Variants in PLRG1 observed in about 807,000 individuals in gnomAD.
PLRG1 encodes the protein pleiotropic regulator 1 (PRL1 homolog, Arabidopsis).
Under a neutral mutation model 74.9 loss-of-function variants are expected in PLRG1, and 28 were observed. The observed-to-expected ratio is 0.37, with a 90% CI of 0.28 to 0.51. PLRG1 has a LOEUF of 0.51. Ranked by LOEUF, PLRG1 falls within the 20% of genes least tolerant of loss-of-function variation. The pLI, the probability that PLRG1 is intolerant of heterozygous loss-of-function variation, is 0.91. For missense variants in PLRG1, 445 were observed against 631.9 expected (o/e 0.70, Z 3.17); for synonymous variants, 197 against 212.4 (o/e 0.93, Z 0.63).
In PLRG1 at chr4:154,536,732, G is replaced by T; in HGVS notation, c.1498C>A (p.His500Asn). ...ATTTCTGGTTTCCAGCTGACTGGATGAGTTTCTTCTGTCTAAAAATAGAAA... is the reference window on the plus strand; with the variant it reads ...ATTTCTGGTTTCCAGCTGACTGGATTAGTTTCTTCTGTCTAAAAATAGAAA... ...REDDTATEETHPVSWKPEIIK... is the reference protein window; with the variant it reads ...REDDTATEETNPVSWKPEIIK... Residue 500 changes from histidine (H) to asparagine (N), a missense_variant, in exon 15 of 15, where the codon CAT (histidine) becomes AAT (asparagine). Physicochemically the swap from His to Asn is moderately conservative, Grantham distance 68. Around this residue, in one of 3 missense-constraint regions of PLRG1, gnomAD observed 221 missense variants for 377.7 expected, o/e 0.59. Transcript: ENST00000499023. 4 of 1,520,446 alleles carry T rather than the reference G, an allele frequency of 2.6e-6. No individual in the cohort carries two copies. Among genetic ancestry groups the T allele is most frequent in the Non-Finnish European group, 2.7e-6 (3 of 1,115,312 alleles). The allele number at this position is 1,520,446 out of a possible 1,614,324, so 94.2% of individuals were successfully genotyped here.
rs1729442406 is a variant in PLRG1, at chr4:154,536,036, T to A, written c.*649A>T. 1 of 152,312 alleles carries A rather than the reference T, an allele frequency of 6.6e-6. No homozygotes were observed. The highest frequency in any genetic ancestry group is 1.5e-5 in the Non-Finnish European group (1 of 68,170). 9.4% of individuals were successfully genotyped at this position (152,312 alleles called of 1,614,324 possible). On this transcript the variant is annotated 3_prime_UTR_variant, in exon 15 of 15. Transcript: ENST00000499023. ...AGGTAATCTCCAATGCCACTTACTC[T>A]ATGAAGTCTTCCACAATCCTTCCTG...
intron 1 of PLRG1, among the ~76,000 whole-genome samples, chr4:154,549,977 T>C (rs113544216): frequency 6.6e-6 from 1 of 152,210 alleles, no homozygotes; most frequent in Non-Finnish European, 1.5e-5. Context: ...TCACTGACAC[T>C]GCCCCGAGGG....
chr4:154,547,719 G>C lies in PLRG1; in HGVS notation c.251C>G (p.Ala84Gly). Residue 84 changes from alanine to glycine, a missense_variant, in exon 3 of 15, where the codon GCC becomes GGC. Coordinates refer to ENST00000499023, the MANE Select transcript of PLRG1 (RefSeq NM_002669.4). ...TDSYVHKQYP[A>G]NQGQEVEYFV... ...GATAATACCATACTCACCTTGATTG[G>C]CAGGGTACTGTTTATGAACATATGA... The C allele has an allele frequency of 6.2e-7, 1 of 1,611,444 alleles. No individual in the cohort carries two copies. The highest frequency in any genetic ancestry group is 8.5e-7 in the Non-Finnish European group (1 of 1,178,198).
intron 14 of PLRG1, 133 bp downstream of exon 14, chr4:154,537,153 A>C (rs1729466491): frequency 1.8e-6 from 1 of 563,428 alleles, no homozygotes; most frequent in Non-Finnish European, 3.0e-6. Context: ...AGAAATATAT[A>C]AATGGACACT....
At chr4:154,546,501 T>C in intron 4 of PLRG1, 1 of 365,184 alleles carries the variant, frequency 2.7e-6, no homozygotes. Flanking sequence ...TTCAAGTCAG[T>C]ATTAAGCAGT....
At chr4:154,543,150 C>T (rs900908401) in intron 7 of PLRG1, among the ~76,000 whole-genome samples, 2 of 151,856 alleles carry the variant, frequency 1.3e-5, no homozygotes, top group Non-Finnish European at 2.9e-5. Context: ...GTATGTTTTT[C>T]TTTGTTTTTT....
At position 154,542,233 on chromosome 4, in the gene PLRG1, G is replaced by T; in HGVS notation, c.641C>A (p.Pro214His). The T allele has an allele frequency of 6.2e-7, 1 of 1,612,950 alleles. No individual in the cohort carries two copies. The highest frequency in any genetic ancestry group is 1.1e-5 in the South Asian group (1 of 91,052). Reference protein sequence around the residue: ...LGWVRCIAVEPGNQWFVTGSA... With the variant: ...LGWVRCIAVEHGNQWFVTGSA... ...TCCAGTAACAAACCACTGATTTCCA[G>T]GTTCCACAGCAATACATCGAACCCA... The change falls in exon 8 of 15, where the codon CCT (proline) becomes CAT (histidine). Residue 214 changes from proline to histidine, a missense_variant. Pro to His is a moderately conservative substitution (Grantham distance 77). Coordinates refer to ENST00000499023, the MANE Select transcript of PLRG1 (RefSeq NM_002669.4).
chr4:154,539,834 A>G, intron 11 of PLRG1, 117 bp downstream of exon 11: 1 of 694,474 alleles, frequency 1.4e-6, no homozygotes, highest in Admixed American at 2.4e-5. Flanking sequence ...AAAATATGAC[A>G]CAGAAACACT....
At chr4:154,542,050 T>C in intron 8 of PLRG1, 137 bp downstream of exon 8, 3 of 622,502 alleles carry the variant, frequency 4.8e-6, no homozygotes, top group Admixed American at 2.8e-5. Flanking sequence ...TTAGTATAAA[T>C]GATAAATTTT....
intron 7 of PLRG1, among the ~76,000 whole-genome samples, chr4:154,542,560 C>T (rs929342498): frequency 4.6e-5 from 7 of 152,078 alleles, no homozygotes; most frequent in Non-Finnish European, 7.4e-5. Context: ...TGAAGGAAGC[C>T]AGTCTCAAAA....
Position 154,550,348 on chromosome 4 carries a change from C to A in PLRG1, c.-40G>T. On this transcript the variant is annotated 5_prime_UTR_variant, in exon 1 of 15. Coordinates refer to ENST00000499023, the MANE Select transcript of PLRG1 (RefSeq NM_002669.4). ...TCCCACCTCCGGCAGGGAAGAAACT[C>A]TAATCACTAACGCAGTACCCGCCGC... 6.2e-7 allele frequency: 1 copy of A among 1,604,778 alleles called. No individual in the cohort carries two copies. The highest frequency in any genetic ancestry group is 1.1e-5 in the South Asian group (1 of 90,876).
At chr4:154,537,692 C>T (rs7668341) in intron 13 of PLRG1, 142,665 of 500,812 alleles carry the variant, frequency 0.28, 21,762 homozygotes, top group Middle Eastern at 0.35. Flanking sequence ...GAAAATCTGA[C>T]ATCCAATTCC....
At chr4:154,548,540 C>A (rs1729699566) in intron 2 of PLRG1, among the ~76,000 whole-genome samples, 1 of 152,008 alleles carries the variant, frequency 6.6e-6, no homozygotes, top group Admixed American at 6.5e-5. Context: ...GCTCTGAGAG[C>A]AGCGGGAAGC....
chr4:154,540,638 T>A lies in PLRG1; in HGVS notation c.895A>T (p.Thr299Ser), dbSNP rs964042252. The change falls in exon 10 of 15, where the codon ACA becomes TCA. Residue 299 changes from threonine (T) to serine (S), a missense_variant. Coordinates refer to ENST00000499023, the MANE Select transcript of PLRG1 (RefSeq NM_002669.4). ...SAVYGLDLHP[T>S]IDVLVTCSRD... ...CTACAGGTTACCAACACATCGATTG[T>A]CGGGTGCAAATCCAAACCATACACT... 3.1e-6 allele frequency: 5 copies of A among 1,613,522 alleles called. No individual in the cohort carries two copies. The highest frequency in any genetic ancestry group is 4.2e-6 in the Non-Finnish European group (5 of 1,179,600).
At chr4:154,545,306 C>A (rs1729631003) in intron 6 of PLRG1, among the ~76,000 whole-genome samples, 1 of 152,116 alleles carries the variant, frequency 6.6e-6, no homozygotes, top group African/African-American at 2.4e-5. Flanking sequence ...TTTCAAGTGG[C>A]AGCATATTTT....
At chr4:154,547,260 A>T (rs964352542) in intron 3 of PLRG1, among the ~76,000 whole-genome samples, 196 bp from the exon 4 acceptor site, 1 of 152,158 alleles carries the variant, frequency 6.6e-6, no homozygotes, top group African/African-American at 2.4e-5. Flanking sequence ...ACCATTTGCT[A>T]TATAGCAATG....
At chr4:154,549,684 T>C (rs763640651) in intron 1 of PLRG1, 11 of 456,122 alleles carry the variant, frequency 2.4e-5, no homozygotes, top group South Asian at 1.2e-4. Flanking sequence ...GAACAACTTA[T>C]AGAACAAAAT....
At chr4:154,545,592 G>A (rs1328816766) in intron 6 of PLRG1, among the ~76,000 whole-genome samples, 1 of 151,798 alleles carries the variant, frequency 6.6e-6, no homozygotes, top group Non-Finnish European at 1.5e-5. Flanking sequence ...TTTAATAGTG[G>A]GCAATAAATA....
chr4:154,546,106 AT>A lies in PLRG1; in HGVS notation c.404+16del. The A allele has an allele frequency of 7.0e-7, 1 of 1,425,748 alleles. No individual in the cohort carries two copies. The highest frequency in any genetic ancestry group is 9.8e-7 in the Non-Finnish European group (1 of 1,020,074). The allele number at this position is 1,425,748 out of a possible 1,614,324, so 88.3% of individuals were successfully genotyped here. On this transcript the variant is annotated intron_variant, in intron 5 of 14. Transcript: ENST00000499023. Reference sequence around the variant, plus strand: ...GAAATATGCTTTTAAGATCTTTGTAATTATAATATTTCATACTTGGTCTGCA... The same window carrying A: ...GAAATATGCTTTTAAGATCTTTGTAATATAATATTTCATACTTGGTCTGCA...
Sources: allele counts gnomAD v4.1 joint callset (sites outside exome capture counted in the v4.1 genomes callset), GRCh38; gene constraint gnomAD v4.1.1; regional missense constraint gnomAD v4.1.1; transcripts MANE v1.5; gene names NCBI Gene and HGNC (gene_info 2026-07-23, HGNC 2026-07-21).